Variants in DPY19L3 observed in about 807,000 individuals in gnomAD.
The protein encoded by DPY19L3 is protein C-mannosyl-transferase DPY19L3.
A neutral mutation model predicts 92.3 loss-of-function variants in DPY19L3; 51 were observed. That is an observed-to-expected ratio of 0.55 (90% CI 0.44 to 0.70). The LOEUF (loss-of-function observed/expected upper bound fraction) is 0.70, where lower values mean the gene tolerates loss of function less well. Ranked by LOEUF, DPY19L3 falls within the 30% of genes least tolerant of loss-of-function variation. The pLI is 0.00. For synonymous variants in DPY19L3, 309 were observed against 315.2 expected, an observed-to-expected ratio of 0.98 and a Z score of 0.21; for missense variants, 706 against 855.9, an observed-to-expected ratio of 0.82 and a Z score of 2.18.
At position 32,485,264 on chromosome 19, in the gene DPY19L3, T is replaced by C. The variant is rs1970767968; in HGVS notation, c.*3024T>C. The C allele has an allele frequency of 1.3e-5, 2 of 152,268 alleles. No homozygotes were observed. The highest frequency in any genetic ancestry group is 2.9e-5 in the Non-Finnish European group (2 of 68,050). The allele number at this position is 152,268 out of a possible 1,614,324, so 9.4% of individuals were successfully genotyped here. A position where few individuals can be genotyped will look rare whatever the true frequency, so the allele number is the denominator to read the frequency against. On this transcript the variant is annotated 3_prime_UTR_variant, in exon 19 of 19. Coordinates refer to ENST00000392250, the MANE Select transcript of DPY19L3 (RefSeq NM_001172774.2). Reference sequence around the variant, plus strand: ...GTTGGAAGGTTCTAATCACTTTCATTACAGGCATTTGAAAAATAGGGATTC... The same window carrying C: ...GTTGGAAGGTTCTAATCACTTTCATCACAGGCATTTGAAAAATAGGGATTC...
chr19:32,468,191 A>C (rs1970252721), intron 15 of DPY19L3: 2 of 920,402 alleles, frequency 2.2e-6, no homozygotes, highest in South Asian at 1.0e-4. Context: ...CTTCTAAATG[A>C]AAAATAAATC....
At chr19:32,408,148 A>G (rs1044285069) in intron 1 of DPY19L3, 69 bp from the exon 2 acceptor site, 3 of 761,484 alleles carry the variant, frequency 3.9e-6, no homozygotes, top group Non-Finnish European at 4.5e-6. Context: ...AAGGCATTTC[A>G]GCATGGATGA....
intron 3 of DPY19L3, among the ~76,000 whole-genome samples, chr19:32,426,991 G>C (rs1259451796): frequency 1.4e-4 from 22 of 152,008 alleles, no homozygotes; most frequent in Non-Finnish European, 2.6e-4. Context: ...TTGGTGTTTC[G>C]TTGTTTGTTT....
chr19:32,463,324 T>C, intron 12 of DPY19L3, 42 bp from the exon 13 acceptor site: 1 of 1,607,910 alleles, frequency 6.2e-7, no homozygotes, highest in Non-Finnish European at 8.5e-7. Flanking sequence ...TAACTAAAAT[T>C]ATGTTTCCAG....
intron 4 of DPY19L3, 68 bp downstream of exon 4, chr19:32,432,874 G>C: frequency 7.2e-7 from 1 of 1,390,950 alleles, no homozygotes; most frequent in Non-Finnish European, 1.0e-6. Flanking sequence ...GAGAAGTACT[G>C]TGCACTAAAA....
intron 15 of DPY19L3, chr19:32,468,361 C>G: frequency 9.9e-7 from 1 of 1,006,418 alleles, no homozygotes; most frequent in African/African-American, 1.7e-5. Flanking sequence ...TAGTTAATTA[C>G]ATATTCCTAA....
intron 8 of DPY19L3, among the ~76,000 whole-genome samples, chr19:32,441,182 A>G (rs925575262): frequency 1.3e-5 from 2 of 152,164 alleles, no homozygotes; most frequent in African/African-American, 4.8e-5. Context: ...ATAATCTGCC[A>G]TGTTCATTTT....
rs765388017 is a variant in DPY19L3 at position 32,463,985 on chromosome 19, G to C, written c.1557+5G>C. 1 of 1,584,784 alleles carries C rather than the reference G, an allele frequency of 6.3e-7. No individual in the cohort carries two copies. The highest frequency in any genetic ancestry group is 1.7e-5 in the Admixed American group (1 of 58,898). Reference sequence around the variant, plus strand: ...CATCTTTATAACCCAAAGAGGGTCAGTGTCATCCCTTTTTCCATCTCCTTT... The same window carrying C: ...CATCTTTATAACCCAAAGAGGGTCACTGTCATCCCTTTTTCCATCTCCTTT... On this transcript the variant is annotated splice_donor_5th_base_variant and intron_variant, in intron 14 of 18. Transcript: ENST00000392250.
intron 3 of DPY19L3, among the ~76,000 whole-genome samples, chr19:32,423,625 C>T (rs1968655337): frequency 6.6e-6 from 1 of 151,216 alleles, no homozygotes; most frequent in African/African-American, 2.5e-5. Context: ...CACAAGAATG[C>T]CAACATAAGT....
intron 3 of DPY19L3, among the ~76,000 whole-genome samples, chr19:32,425,626 G>A (rs1968734259): frequency 6.6e-6 from 1 of 152,028 alleles, no homozygotes; most frequent in African/African-American, 2.4e-5. Flanking sequence ...AATAGATTTT[G>A]TGTTAGCAGG....
intron 2 of DPY19L3, among the ~76,000 whole-genome samples, chr19:32,410,940 T>C (rs1968156958): frequency 1.3e-5 from 2 of 152,264 alleles, no homozygotes; most frequent in African/African-American, 4.8e-5. Flanking sequence ...AAATTACGGT[T>C]GTTAAACTGT....
At chr19:32,477,788 C>T (rs553243712) in intron 17 of DPY19L3, 134 bp downstream of exon 17, 21 of 1,243,818 alleles carry the variant, frequency 1.7e-5, no homozygotes, top group Admixed American at 2.5e-5. Flanking sequence ...TCTGTTTTCA[C>T]GCTACTGATA....
intron 3 of DPY19L3, among the ~76,000 whole-genome samples, chr19:32,421,634 A>G (rs1365209446): frequency 8.5e-6 from 1 of 117,938 alleles, no homozygotes; most frequent in Non-Finnish European, 1.9e-5. Flanking sequence ...TCTCAAAAAA[A>G]AAAAAAAAAA....
chr19:32,414,855 A>C (rs1381886753), intron 3 of DPY19L3, among the ~76,000 whole-genome samples: 1 of 152,196 alleles, frequency 6.6e-6, no homozygotes, highest in Non-Finnish European at 1.5e-5. Context: ...CCCCATCATC[A>C]AGAAACTTGA....
chr19:32,441,106 C>G lies in DPY19L3; in HGVS notation c.855+1196C>G, dbSNP rs1416877843. ...TTTAGTGTAGTTTCACAGTAGGTAT[C>G]AAAAGCCTAAAAATGTATTTGCCTT... On this transcript the variant is annotated intron_variant, in intron 8 of 18. Transcript: ENST00000392250. Among the ~76,000 whole-genome samples the G allele has an allele frequency of 1.2e-4, 18 of 152,142 alleles. 1 individual carries two copies. The highest frequency in any genetic ancestry group is 1.5e-5 in the Non-Finnish European group (1 of 68,030).
rs140332562 is a variant in DPY19L3 at position 32,445,373 on chromosome 19, G to A, written c.855+5463G>A. On this transcript the variant is annotated intron_variant, in intron 8 of 18. Coordinates refer to ENST00000392250, the MANE Select transcript of DPY19L3 (RefSeq NM_001172774.2). ...GGAAAATGGCGTGAACCTGGGAGGC[G>A]GAGCTTGCAGTGAGTCTAGATCGCG... 2.3e-3 allele frequency among the ~76,000 whole-genome samples: 312 copies of A among 136,968 alleles called. 4 individuals are homozygous for A. Among genetic ancestry groups the A allele is most frequent in the African/African-American group, 8.4e-3 (305 of 36,440 alleles). 89.9% of individuals were successfully genotyped at this position (136,968 alleles called of 152,430 possible).
intron 8 of DPY19L3, among the ~76,000 whole-genome samples, chr19:32,448,513 CAG>C (rs1213037101): frequency 2.6e-5 from 4 of 152,064 alleles, no homozygotes; most frequent in Admixed American, 6.5e-5. Context: ...AGTTGATTAA[CAG>C]ATATTTTGTA....
chr19:32,464,054 T>C, intron 14 of DPY19L3, 74 bp downstream of exon 14: 1 of 962,662 alleles, frequency 1.0e-6, no homozygotes, highest in Admixed American at 2.0e-5. Flanking sequence ...TTTTTTGTTT[T>C]TCAGTAGCTG....
chr19:32,435,797 A>C (rs1969118619), intron 4 of DPY19L3, among the ~76,000 whole-genome samples: 1 of 152,200 alleles, frequency 6.6e-6, no homozygotes, highest in Non-Finnish European at 1.5e-5. Flanking sequence ...TAGCCTGGTT[A>C]CAGTGACAGA....
Sources: gnomAD v4.1 joint callset for allele counts (sites outside exome capture counted in the v4.1 genomes callset) on GRCh38, gnomAD v4.1.1 for gene constraint, MANE v1.5 for transcripts, NCBI Gene and HGNC (gene_info 2026-07-23, HGNC 2026-07-21) for gene names.